Variants in ROR2 observed in about 807,000 individuals in gnomAD.
ROR2 encodes ROR family WNT receptor 2.
A neutral mutation model predicts 74.9 loss-of-function variants in ROR2; 33 were observed. The ratio of observed to expected loss-of-function variants is 0.44; its 90% CI spans 0.33 to 0.59. The LOEUF (loss-of-function observed/expected upper bound fraction) is 0.59. Among genes scored for constraint, ROR2 ranks in the 20% least tolerant of loss-of-function variants. The pLI, the probability that ROR2 is intolerant of heterozygous loss-of-function variation, is 0.02. For synonymous variants in ROR2, 586 were observed against 558.7 expected (o/e 1.05, Z -0.69); for missense variants, 1,216 against 1,313.8 (o/e 0.93, Z 1.15).
chr9:91,829,526 G>A (rs2119178469), intron 1 of ROR2, among the ~76,000 whole-genome samples: 1 of 134,034 alleles, frequency 7.5e-6, no homozygotes, highest in East Asian at 2.2e-4. Flanking sequence ...CTCCAGCCTG[G>A]GTGACACAGC....
At chr9:91,782,971 C>T (rs1022803121) in intron 1 of ROR2, among the ~76,000 whole-genome samples, 1 of 152,208 alleles carries the variant, frequency 6.6e-6, no homozygotes, top group East Asian at 1.9e-4. Flanking sequence ...ATGGAAACGC[C>T]TTGTCTCAGT....
At chr9:91,863,465 T>TA (rs1829534031) in intron 1 of ROR2, among the ~76,000 whole-genome samples, 1 of 152,060 alleles carries the variant, frequency 6.6e-6, no homozygotes, top group Non-Finnish European at 1.5e-5. Flanking sequence ...TATAGATAGA[T>TA]AGATAGATAG....
intron 1 of ROR2, among the ~76,000 whole-genome samples, chr9:91,832,531 T>C (rs1050928701): frequency 5.9e-5 from 9 of 152,034 alleles, no homozygotes; most frequent in African/African-American, 2.2e-4. Flanking sequence ...GTAAGGGAGA[T>C]AATCTTTGAT....
chr9:91,723,866 C>A lies in ROR2; in HGVS notation c.2628G>T (p.Thr876=). The A allele has an allele frequency of 6.2e-7, 1 of 1,614,010 alleles. No homozygotes were observed. The highest frequency in any genetic ancestry group is 8.5e-7 in the Non-Finnish European group (1 of 1,180,012). ...CTGCCATGGATGTGTTGGAGGGGGC[C>A]GTGGTGACGTAGCCTGTGCTGGTGG... ...SGSTSTGYVT[T]APSNTSMADR... is the part of the protein sequence containing the mutation. Residue 876 remains threonine (T), a synonymous_variant, in exon 9 of 9, where the codon ACG becomes ACT. Transcript: ENST00000375708.
intron 1 of ROR2, among the ~76,000 whole-genome samples, chr9:91,845,877 CAAAAAA>C (rs5899143): frequency 8.7e-3 from 296 of 33,848 alleles, no homozygotes; most frequent in African/African-American, 0.017. Context: ...GAATCCATCT[CAAAAAA>C]AAAAAAAAAA....
chr9:91,774,269 C>T (rs371810041), intron 2 of ROR2, among the ~76,000 whole-genome samples: 10 of 152,220 alleles, frequency 6.6e-5, no homozygotes, highest in African/African-American at 2.2e-4. Context: ...CACTGCCACC[C>T]TGCATGCTGG....
chr9:91,843,713 CAGG>C (rs1828848078), intron 1 of ROR2, among the ~76,000 whole-genome samples: 1 of 152,252 alleles, frequency 6.6e-6, no homozygotes, highest in Non-Finnish European at 1.5e-5. Flanking sequence ...ACAGGGGCAG[CAGG>C]AGGAGCCCCA....
intron 4 of ROR2, among the ~76,000 whole-genome samples, chr9:91,749,545 G>C (rs569678600): frequency 6.6e-6 from 1 of 152,322 alleles, no homozygotes; most frequent in South Asian, 2.1e-4. Context: ...ACACATTTCA[G>C]TCCATAGCAG....
intron 1 of ROR2, among the ~76,000 whole-genome samples, chr9:91,881,119 T>A (rs78470540): frequency 6.6e-6 from 1 of 152,216 alleles, no homozygotes; most frequent in African/African-American, 2.4e-5. Context: ...CTTGCAACTT[T>A]CCAGTAAGTT....
chr9:91,810,791 T>C (rs1827725624), intron 1 of ROR2, among the ~76,000 whole-genome samples: 1 of 152,170 alleles, frequency 6.6e-6, no homozygotes, highest in Non-Finnish European at 1.5e-5. Flanking sequence ...CAGTGGAGTC[T>C]ACGTTTGCGG....
chr9:91,887,671 G>A (rs1216864709), intron 1 of ROR2, among the ~76,000 whole-genome samples: 1 of 152,144 alleles, frequency 6.6e-6, no homozygotes, highest in Non-Finnish European at 1.5e-5. Context: ...CACTGAGTAG[G>A]AGAAGCATGA....
intron 2 of ROR2, among the ~76,000 whole-genome samples, chr9:91,758,117 A>G (rs1317835255): frequency 6.6e-6 from 1 of 152,232 alleles, no homozygotes; most frequent in Non-Finnish European, 1.5e-5. Context: ...CATGTTCACA[A>G]TATGAGGGCA....
At chr9:91,819,688 TTGTG>T (rs1828076927) in intron 1 of ROR2, among the ~76,000 whole-genome samples, 1 of 15,768 alleles carries the variant, frequency 6.3e-5, no homozygotes, top group African/African-American at 2.2e-4. Flanking sequence ...GTATCTGTCT[TTGTG>T]TGTTTTTCAG....
At chr9:91,726,405 T>A (rs1424069636) in intron 8 of ROR2, 136 bp downstream of exon 8, 25 of 851,604 alleles carry the variant, frequency 2.9e-5, no homozygotes, top group South Asian at 6.0e-5. Context: ...AAAAAAAAAA[T>A]GGCAAAATGA....
At chr9:91,843,158 G>A (rs1350034836) in intron 1 of ROR2, among the ~76,000 whole-genome samples, 1 of 152,192 alleles carries the variant, frequency 6.6e-6, no homozygotes, top group Non-Finnish European at 1.5e-5. Flanking sequence ...CAGTTATCCA[G>A]GGAATACAGA....
At chr9:91,816,470 T>C (rs1315737324) in intron 1 of ROR2, among the ~76,000 whole-genome samples, 1 of 152,128 alleles carries the variant, frequency 6.6e-6, no homozygotes, top group Non-Finnish European at 1.5e-5. Context: ...ACGCTCTTTC[T>C]TGTCTTGAGA....
chr9:91,911,976 C>T (rs1405666900), intron 1 of ROR2, among the ~76,000 whole-genome samples: 2 of 127,522 alleles, frequency 1.6e-5, no homozygotes, highest in African/African-American at 6.1e-5. Flanking sequence ...AATTAAAGGA[C>T]ATTCAACAAA....
intron 3 of ROR2, 141 bp from the exon 4 acceptor site, chr9:91,756,242 C>G (rs964048329): frequency 1.1e-4 from 81 of 763,336 alleles, no homozygotes; most frequent in Admixed American, 9.9e-5. Flanking sequence ...AGGCTCCACT[C>G]GTGATTACGT....
intron 1 of ROR2, among the ~76,000 whole-genome samples, chr9:91,824,714 T>C (rs758108894): frequency 2.0e-5 from 3 of 152,110 alleles, no homozygotes; most frequent in Non-Finnish European, 4.4e-5. Context: ...AACACCCCCA[T>C]TTCCTTGATG....
Sources: allele counts gnomAD v4.1 joint callset (sites outside exome capture counted in the v4.1 genomes callset), GRCh38; gene constraint gnomAD v4.1.1; transcripts MANE v1.5; gene names NCBI Gene and HGNC (gene_info 2026-07-23, HGNC 2026-07-21).